SEZ6: variants seen among roughly 807,000 people sequenced by gnomAD.
SEZ6 encodes the protein seizure protein 6 homolog.
In SEZ6, 53 loss-of-function variants were observed where a neutral mutation model predicts 101.0. The observed-to-expected ratio is 0.52, with a 90% CI of 0.42 to 0.66. The LOEUF is 0.66. Ranked by LOEUF, SEZ6 falls within the 30% of genes least tolerant of loss-of-function variation. SEZ6 has a pLI of 0.00. For synonymous variants in SEZ6, 488 were observed against 512.2 expected, an observed-to-expected ratio of 0.95 and a Z score of 0.64; for missense variants, 1,102 against 1,289.4, an observed-to-expected ratio of 0.85 and a Z score of 2.23.
chr17:28,998,750 A>C (rs766638828), intron 1 of SEZ6, among the ~76,000 whole-genome samples: 4 of 152,016 alleles, frequency 2.6e-5, no homozygotes, highest in Non-Finnish European at 5.9e-5. Context: ...AAGGGTTGTG[A>C]TGAAGGGCAC....
intron 2 of SEZ6, among the ~76,000 whole-genome samples, chr17:28,980,308 A>G (rs1457820957): frequency 1.3e-5 from 2 of 150,746 alleles, no homozygotes; most frequent in African/African-American, 4.9e-5. Flanking sequence ...CCTGGGTTCA[A>G]GCTATTCTCC....
At chr17:28,962,892 A>G (rs1230878756) in intron 5 of SEZ6, among the ~76,000 whole-genome samples, 1 of 151,812 alleles carries the variant, frequency 6.6e-6, no homozygotes, top group Non-Finnish European at 1.5e-5. Context: ...TGGGAGGCTG[A>G]GGTGGGTGGA....
At chr17:28,995,165 G>T (rs558367208) in intron 1 of SEZ6, among the ~76,000 whole-genome samples, 2 of 152,172 alleles carry the variant, frequency 1.3e-5, no homozygotes, top group Non-Finnish European at 2.9e-5. Flanking sequence ...GAGCCACCGC[G>T]CCCGGCCGAC....
chr17:28,969,691 C>A, intron 4 of SEZ6, 66 bp downstream of exon 4: 3 of 1,353,140 alleles, frequency 2.2e-6, no homozygotes, highest in Non-Finnish European at 2.9e-6. Context: ...TGCACAGAGA[C>A]CCCCCTCCCC....
intron 1 of SEZ6, among the ~76,000 whole-genome samples, chr17:28,984,291 T>C (rs764293890): frequency 3.3e-5 from 5 of 152,230 alleles, no homozygotes; most frequent in African/African-American, 7.2e-5. Context: ...ACACAGGCTA[T>C]GCCAGGTAAG....
chr17:28,992,672 G>T (rs927894613), intron 1 of SEZ6, among the ~76,000 whole-genome samples: 1 of 152,202 alleles, frequency 6.6e-6, no homozygotes, highest in Non-Finnish European at 1.5e-5. Context: ...TCAGGCTCTG[G>T]GTGGGTGGGG....
chr17:28,959,642 C>A lies in SEZ6; in HGVS notation c.1771+56G>T. 6.5e-7 allele frequency: 1 copy of A among 1,539,596 alleles called. No homozygotes were observed. Among genetic ancestry groups the A allele is most frequent in the Non-Finnish European group, 8.7e-7 (1 of 1,143,812 alleles). On this transcript the variant is annotated intron_variant, in intron 8 of 16. Transcript: ENST00000317338. This position sits in a 1 kb window ranked among gnomAD's most constrained non-coding sequence, Gnocchi z 4.4. Reference sequence around the variant, plus strand: ...TGTGGCCCCGGGCTCTGCTGCTATTCTCCTGGTATGACCCTGCCTTTTGCC... The same window carrying A: ...TGTGGCCCCGGGCTCTGCTGCTATTATCCTGGTATGACCCTGCCTTTTGCC...
intron 7 of SEZ6, chr17:28,960,219 T>C: frequency 1.7e-6 from 1 of 577,780 alleles, no homozygotes; most frequent in Admixed American, 3.0e-5. Flanking sequence ...TTACAGCAAT[T>C]CTTTCTTAAG....
intron 1 of SEZ6, among the ~76,000 whole-genome samples, chr17:28,989,173 T>G (rs1162868573): frequency 6.6e-6 from 1 of 152,122 alleles, no homozygotes. Flanking sequence ...TTCCACAACC[T>G]GAGTTTCCAT....
chr17:28,982,685 G>T (rs1420003378), intron 1 of SEZ6, among the ~76,000 whole-genome samples: 1 of 151,944 alleles, frequency 6.6e-6, no homozygotes. Context: ...ACAGTGTCTC[G>T]CTGTGTGGCC....
chr17:28,973,616 G>T (rs1450346358), intron 3 of SEZ6, among the ~76,000 whole-genome samples: 1 of 152,230 alleles, frequency 6.6e-6, no homozygotes, highest in Non-Finnish European at 1.5e-5. Flanking sequence ...TGTCTGTGCA[G>T]CTCTGGTCCC....
Position 28,979,673 on chromosome 17 carries a change from C to T in SEZ6, c.858+7G>A. The T allele has an allele frequency of 6.2e-7, 1 of 1,613,966 alleles. No homozygotes were observed. The highest frequency in any genetic ancestry group is 1.1e-5 in the South Asian group (1 of 91,072). ...AGCTTTGCCCTTGCCAGATCCAGAT[C>T]ACTCACCTTGATTTCCACGCCATAG... On this transcript the variant is annotated splice_region_variant and intron_variant, in intron 3 of 16. Transcript: ENST00000317338.
chr17:28,996,610 G>A (rs752802486), intron 1 of SEZ6, among the ~76,000 whole-genome samples: 2 of 152,118 alleles, frequency 1.3e-5, no homozygotes, highest in Admixed American at 6.5e-5. Context: ...GGGGCCTGGT[G>A]TACCTTACAC....
rs141428105 is a variant in SEZ6, at chr17:28,971,733, C to G, written c.859-1781G>C. Among the ~76,000 whole-genome samples the G allele has an allele frequency of 1.2e-4, 18 of 152,312 alleles. No homozygotes were observed. The East Asian group carries it at 2.7e-3, about 23-fold the overall frequency. On this transcript the variant is annotated intron_variant, in intron 3 of 16. Transcript: ENST00000317338. ...ACCATGTTGCTCTGAAGCAGGGTTT[C>G]AAGGGTTGACCACCTGGGATGGTTA...
At chr17:29,001,099 C>G (rs753445761) in intron 1 of SEZ6, among the ~76,000 whole-genome samples, 1 of 152,172 alleles carries the variant, frequency 6.6e-6, no homozygotes, top group Non-Finnish European at 1.5e-5. Context: ...CTGTAATTTA[C>G]AGTTGGGATA....
intron 3 of SEZ6, among the ~76,000 whole-genome samples, chr17:28,971,792 T>A (rs911281754): frequency 6.6e-6 from 1 of 152,196 alleles, no homozygotes. Context: ...TCCTTCCCAG[T>A]CTTATTTCCC....
chr17:28,962,852 C>T (rs1391195404), intron 5 of SEZ6, among the ~76,000 whole-genome samples: 3 of 148,122 alleles, frequency 2.0e-5, no homozygotes, highest in Non-Finnish European at 3.0e-5. Context: ...CGGCCAGGCA[C>T]GGTGGCTCAC....
chr17:29,000,773 C>T (rs1173238231), intron 1 of SEZ6, among the ~76,000 whole-genome samples: 19 of 152,112 alleles, frequency 1.2e-4, no homozygotes, highest in Admixed American at 1.2e-3. Context: ...CAAGTCCATT[C>T]GAGGCATCCC....
At position 28,965,456 on chromosome 17, in the gene SEZ6, T is replaced by C. The variant is rs559148493; in HGVS notation, c.1055-1309A>G. ...GAGTTCAAGAGCAGCCTGGGCAACATAGTGAGGTCCCCATCTCTGTAAAAA... is the reference window on the plus strand; with the variant it reads ...GAGTTCAAGAGCAGCCTGGGCAACACAGTGAGGTCCCCATCTCTGTAAAAA... On this transcript the variant is annotated intron_variant, in intron 4 of 16. Coordinates refer to ENST00000317338, the MANE Select transcript of SEZ6 (RefSeq NM_178860.5). 2.0e-5 allele frequency among the ~76,000 whole-genome samples: 3 copies of C among 151,998 alleles called. No homozygotes were observed. The South Asian group carries it at 6.2e-4, about 32-fold the overall frequency.
Sources: allele counts gnomAD v4.1 joint callset (sites outside exome capture counted in the v4.1 genomes callset), GRCh38; gene constraint gnomAD v4.1.1; non-coding constraint Gnocchi (gnomAD v3.1); transcripts MANE v1.5; gene names NCBI Gene and HGNC (gene_info 2026-07-23, HGNC 2026-07-21).